Variants in EXOC6B observed in about 807,000 individuals in gnomAD.
EXOC6B encodes exocyst complex component 6B.
Under a neutral mutation model 113.5 loss-of-function variants are expected in EXOC6B, and 54 were observed. That is an observed-to-expected ratio of 0.48 (90% CI 0.38 to 0.60). EXOC6B has a LOEUF of 0.60. Among genes scored for constraint, EXOC6B ranks in the 20% least tolerant of loss-of-function variants. The pLI is 0.00. For synonymous variants in EXOC6B, 357 were observed against 339.0 expected, an observed-to-expected ratio of 1.05 and a Z score of -0.58; for missense variants, 797 against 977.5, an observed-to-expected ratio of 0.82 and a Z score of 2.46.
At chr2:72,310,583 T>A (rs1687126327) in intron 20 of EXOC6B, among the ~76,000 whole-genome samples, 1 of 152,132 alleles carries the variant, frequency 6.6e-6, no homozygotes, top group African/African-American at 2.4e-5. Flanking sequence ...ATTATATGGA[T>A]TGTCTTTCAC....
chr2:72,313,176 A>T (rs1197086802), intron 20 of EXOC6B, among the ~76,000 whole-genome samples: 3 of 75,896 alleles, frequency 4.0e-5, no homozygotes, highest in African/African-American at 5.7e-4. Flanking sequence ...CACAGAGAGG[A>T]ACAACACAGA....
At chr2:72,723,213 CA>C (rs2104743356) in intron 5 of EXOC6B, among the ~76,000 whole-genome samples, 1 of 152,252 alleles carries the variant, frequency 6.6e-6, no homozygotes, top group African/African-American at 2.4e-5. Flanking sequence ...AATCAAAAGG[CA>C]AATTCCTAAG....
intron 20 of EXOC6B, among the ~76,000 whole-genome samples, chr2:72,244,601 G>GA (rs1340086430): frequency 2.0e-5 from 3 of 151,964 alleles, no homozygotes; most frequent in African/African-American, 4.8e-5. Flanking sequence ...GATGAAAATT[G>GA]ACAAAAACCT....
chr2:72,783,425 A>G (rs1011565136), intron 1 of EXOC6B, among the ~76,000 whole-genome samples: 7 of 146,604 alleles, frequency 4.8e-5, no homozygotes, highest in Non-Finnish European at 1.0e-4. Flanking sequence ...CCCGAGTTCA[A>G]GTGATCCTCC....
chr2:72,186,840 C>T lies in EXOC6B; in HGVS notation c.2197-2653G>A, dbSNP rs1375761942. 3.3e-5 allele frequency among the ~76,000 whole-genome samples: 5 copies of T among 152,296 alleles called. No individual in the cohort carries two copies. In the South Asian group the frequency reaches 8.3e-4, roughly 25 times the overall value. On this transcript the variant is annotated intron_variant, in intron 20 of 21. Transcript: ENST00000272427. ...GTGGACAGTGGAGAGAAGTTCATGG[C>T]TTAGCTGTAAGTTATGGGATCTTTG...
intron 20 of EXOC6B, among the ~76,000 whole-genome samples, chr2:72,224,588 A>T (rs548360243): frequency 1.3e-4 from 20 of 152,290 alleles, no homozygotes; most frequent in African/African-American, 4.6e-4. Flanking sequence ...GGAAGGAACA[A>T]ATAAATATAT....
At chr2:72,538,435 A>C (rs747172839) in intron 8 of EXOC6B, among the ~76,000 whole-genome samples, 6 of 152,246 alleles carry the variant, frequency 3.9e-5, no homozygotes, top group Non-Finnish European at 7.3e-5. Context: ...TGCTAAATTT[A>C]ATAATATATT....
intron 6 of EXOC6B, among the ~76,000 whole-genome samples, chr2:72,654,759 A>C (rs1324314677): frequency 6.6e-6 from 1 of 152,142 alleles, no homozygotes; most frequent in Non-Finnish European, 1.5e-5. Context: ...GACTGCCACA[A>C]ATGTTCCATC....
At chr2:72,480,451 A>G (rs142974127) in intron 17 of EXOC6B, among the ~76,000 whole-genome samples, 165 bp downstream of exon 17, 1,954 of 152,236 alleles carry the variant, frequency 0.013, 12 homozygotes, top group Non-Finnish European at 0.02. Flanking sequence ...TCGCACTGGT[A>G]TTTATTTTTT....
chr2:72,389,850 C>T (rs566915722), intron 18 of EXOC6B, among the ~76,000 whole-genome samples: 47 of 152,196 alleles, frequency 3.1e-4, no homozygotes, highest in African/African-American at 1.0e-3. Flanking sequence ...TTGTTTTAAT[C>T]AACTTTCAAA....
At chr2:72,574,163 CT>C (rs1244535076) in intron 7 of EXOC6B, among the ~76,000 whole-genome samples, 1 of 150,918 alleles carries the variant, frequency 6.6e-6, no homozygotes, top group Admixed American at 6.6e-5. Flanking sequence ...AGCTCCTGTT[CT>C]ATCAAACTTA....
At chr2:72,247,528 G>A (rs1230648877) in intron 20 of EXOC6B, among the ~76,000 whole-genome samples, 1 of 152,164 alleles carries the variant, frequency 6.6e-6, no homozygotes, top group East Asian at 1.9e-4. Flanking sequence ...AGTTTCTCAA[G>A]GATAATATAC....
At chr2:72,710,159 C>A (rs1175588699) in intron 6 of EXOC6B, among the ~76,000 whole-genome samples, 7 of 152,036 alleles carry the variant, frequency 4.6e-5, no homozygotes, top group Admixed American at 4.6e-4. Context: ...AGAACAGGAA[C>A]CAAACTGCCA....
intron 20 of EXOC6B, among the ~76,000 whole-genome samples, chr2:72,320,599 T>G (rs1235158794): frequency 6.6e-6 from 1 of 152,136 alleles, no homozygotes; most frequent in Admixed American, 6.5e-5. Context: ...TAGACCTAAG[T>G]GTAAAACCTA....
At chr2:72,477,387 C>G in intron 17 of EXOC6B, among the ~76,000 whole-genome samples, 1 of 152,094 alleles carries the variant, frequency 6.6e-6, no homozygotes, top group East Asian at 1.9e-4. Flanking sequence ...ATACACACAC[C>G]CAATCTAGTA....
intron 18 of EXOC6B, among the ~76,000 whole-genome samples, chr2:72,422,443 T>C (rs1355326189): frequency 6.6e-6 from 1 of 151,160 alleles, no homozygotes; most frequent in South Asian, 2.1e-4. Context: ...AACCTTTATG[T>C]CTAGCTCAGG....
At chr2:72,295,842 A>C (rs1686097214) in intron 20 of EXOC6B, among the ~76,000 whole-genome samples, 1 of 152,234 alleles carries the variant, frequency 6.6e-6, no homozygotes, top group Non-Finnish European at 1.5e-5. Flanking sequence ...ATTATTGTAC[A>C]TAAAATTAAG....
chr2:72,785,346 C>A (rs1238988957), intron 1 of EXOC6B, among the ~76,000 whole-genome samples: 1 of 152,242 alleles, frequency 6.6e-6, no homozygotes, highest in African/African-American at 2.4e-5. Context: ...TTTCTTCTCG[C>A]AGCTCCACTA....
intron 18 of EXOC6B, among the ~76,000 whole-genome samples, chr2:72,415,310 A>G (rs1694453052): frequency 6.6e-6 from 1 of 151,012 alleles, no homozygotes; most frequent in Non-Finnish European, 1.5e-5. Flanking sequence ...CCTGACTGTT[A>G]AAAGCAAAAG....
Sources: gnomAD v4.1 joint callset for allele counts (sites outside exome capture counted in the v4.1 genomes callset) on GRCh38, gnomAD v4.1.1 for gene constraint, MANE v1.5 for transcripts, NCBI Gene and HGNC (gene_info 2026-07-23, HGNC 2026-07-21) for gene names.